The following NCKAP5 variants were observed in gnomAD, a reference collection of about 807,000 sequenced individuals.
NCKAP5 encodes the protein nck-associated protein 5.
NCKAP5 carries 92 observed loss-of-function variants against 167.0 expected under a neutral mutation model. The observed-to-expected ratio is 0.55, with a 90% CI of 0.47 to 0.66. NCKAP5 has a LOEUF of 0.66. NCKAP5 is among the 30% of genes least tolerant of loss of function. The pLI is 0.00. For synonymous variants in NCKAP5, 891 were observed against 877.4 expected (o/e 1.02, Z -0.27); for missense variants, 2,378 against 2,315.0 (o/e 1.03, Z -0.56).
intron 9 of NCKAP5, among the ~76,000 whole-genome samples, chr2:132,873,072 G>T (rs1690958227): frequency 6.6e-6 from 1 of 152,080 alleles, no homozygotes; most frequent in Admixed American, 6.6e-5. Flanking sequence ...TATAATGCAT[G>T]TTCAGGTAAG....
At chr2:132,932,921 C>CTTTTTT (rs368871730) in intron 8 of NCKAP5, among the ~76,000 whole-genome samples, 2 of 120,010 alleles carry the variant, frequency 1.7e-5, no homozygotes, top group African/African-American at 6.9e-5. Context: ...TTATCCTCTA[C>CTTTTTT]TTTTTTTTTT....
intron 6 of NCKAP5, among the ~76,000 whole-genome samples, chr2:133,113,964 G>A (rs1000919377): frequency 4.6e-5 from 7 of 152,122 alleles, no homozygotes; most frequent in South Asian, 2.1e-4. Context: ...TGCTTGATTC[G>A]GCCTTCCAGG....
chr2:132,699,677 G>T lies in NCKAP5; in HGVS notation c.5713+25950C>A, dbSNP rs543448102. On this transcript the variant is annotated intron_variant, in intron 19 of 19. Coordinates refer to ENST00000409261, the MANE Select transcript of NCKAP5 (RefSeq NM_207363.3). Reference sequence around the variant, plus strand: ...CATGAACTCATCCTTGTTTATGGCTGCATAGTATTCCATGGTGTATATGTG... The same window carrying T: ...CATGAACTCATCCTTGTTTATGGCTTCATAGTATTCCATGGTGTATATGTG... 1.1e-3 allele frequency among the ~76,000 whole-genome samples: 175 copies of T among 152,308 alleles called. 1 individual carries two copies. The highest frequency in any genetic ancestry group is 2.1e-3 in the Non-Finnish European group (146 of 68,024).
chr2:133,031,035 AGT>A (rs1430638772), intron 6 of NCKAP5, among the ~76,000 whole-genome samples: 1 of 152,172 alleles, frequency 6.6e-6, no homozygotes, highest in African/African-American at 2.4e-5. Flanking sequence ...CAATAATCAG[AGT>A]AAGATGGTGG....
chr2:132,730,790 T>C (rs1379674955), intron 17 of NCKAP5, among the ~76,000 whole-genome samples: 3 of 152,198 alleles, frequency 2.0e-5, no homozygotes, highest in Non-Finnish European at 2.9e-5. Context: ...TCAAAAATAA[T>C]ATGCATTACA....
intron 8 of NCKAP5, among the ~76,000 whole-genome samples, chr2:132,961,398 T>A (rs1215096453): frequency 6.6e-6 from 1 of 151,886 alleles, no homozygotes; most frequent in East Asian, 1.9e-4. Context: ...AATGAAATAA[T>A]CTTCTTATTA....
chr2:133,156,000 T>C (rs545587680), intron 5 of NCKAP5, among the ~76,000 whole-genome samples: 1 of 152,300 alleles, frequency 6.6e-6, no homozygotes, highest in Admixed American at 6.5e-5. Context: ...TGCTCCCTAC[T>C]CCCTATACAG....
chr2:133,516,144 C>G (rs899288850), intron 3 of NCKAP5, among the ~76,000 whole-genome samples: 1 of 152,138 alleles, frequency 6.6e-6, no homozygotes, highest in African/African-American at 2.4e-5. Context: ...AAGACAGACC[C>G]TATTGGCATG....
chr2:132,756,836 G>C (rs1680596584), intron 16 of NCKAP5, among the ~76,000 whole-genome samples: 1 of 152,132 alleles, frequency 6.6e-6, no homozygotes, highest in African/African-American at 2.4e-5. Flanking sequence ...TCTGAAGGTA[G>C]AACTCAGGCC....
chr2:133,494,080 T>G (rs1681713718), intron 3 of NCKAP5, among the ~76,000 whole-genome samples: 1 of 152,232 alleles, frequency 6.6e-6, no homozygotes, highest in Non-Finnish European at 1.5e-5. Flanking sequence ...TTGGCCTTTT[T>G]GTTCAGAGAC....
chr2:132,917,551 A>G (rs2148982884), intron 8 of NCKAP5, among the ~76,000 whole-genome samples: 1 of 152,342 alleles, frequency 6.6e-6, no homozygotes, highest in Admixed American at 6.5e-5. Flanking sequence ...ATAATAGTTG[A>G]TTATTATGAT....
intron 19 of NCKAP5, among the ~76,000 whole-genome samples, chr2:132,714,003 C>G (rs956395897): frequency 2.6e-5 from 4 of 152,222 alleles, no homozygotes; most frequent in Non-Finnish European, 5.9e-5. Flanking sequence ...GATCCAGCCT[C>G]ACCATATTTC....
chr2:133,521,389 T>G (rs539927096), intron 2 of NCKAP5, among the ~76,000 whole-genome samples: 2 of 152,382 alleles, frequency 1.3e-5, no homozygotes, highest in East Asian at 3.9e-4. Context: ...ACATTTCTAG[T>G]GCAAACTAAA....
At chr2:132,997,724 A>C (rs2077646626) in intron 6 of NCKAP5, among the ~76,000 whole-genome samples, 1 of 152,028 alleles carries the variant, frequency 6.6e-6, no homozygotes, top group Non-Finnish European at 1.5e-5. Context: ...ACCTTGGAGA[A>C]CAACTTTGGT....
At chr2:133,302,932 C>A (rs974736769) in intron 4 of NCKAP5, 105 bp downstream of exon 4, 1 of 740,218 alleles carries the variant, frequency 1.4e-6, no homozygotes, top group African/African-American at 1.7e-5. Context: ...TTTAGCCAGA[C>A]AAGGACTTAG....
intron 6 of NCKAP5, among the ~76,000 whole-genome samples, chr2:133,006,200 A>C (rs776522615): frequency 6.6e-6 from 1 of 152,146 alleles, no homozygotes; most frequent in Non-Finnish European, 1.5e-5. Context: ...TCGAGGTTGC[A>C]GTGAGCCGAG....
chr2:133,514,427 C>CTT (rs1235734566), intron 3 of NCKAP5, among the ~76,000 whole-genome samples: 1 of 152,114 alleles, frequency 6.6e-6, no homozygotes, highest in Non-Finnish European at 1.5e-5. Flanking sequence ...CCAATTGGAG[C>CTT]TTTTTTCAGT....
intron 11 of NCKAP5, among the ~76,000 whole-genome samples, chr2:132,813,564 T>C (rs1686041083): frequency 6.6e-6 from 1 of 152,146 alleles, no homozygotes; most frequent in Admixed American, 6.5e-5. Flanking sequence ...CCACCAGCAC[T>C]CCAGTGATCC....
intron 4 of NCKAP5, among the ~76,000 whole-genome samples, chr2:133,289,093 A>T (rs904081739): frequency 2.0e-5 from 3 of 152,138 alleles, no homozygotes; most frequent in Non-Finnish European, 2.9e-5. Flanking sequence ...TGATATTTTT[A>T]AAACTTAGCA....
Sources: gnomAD v4.1 joint callset for allele counts (sites outside exome capture counted in the v4.1 genomes callset) on GRCh38, gnomAD v4.1.1 for gene constraint, MANE v1.5 for transcripts, NCBI Gene and HGNC (gene_info 2026-07-23, HGNC 2026-07-21) for gene names.